The following ANKRD44 variants were observed in gnomAD, a reference collection of about 807,000 sequenced individuals.
The protein encoded by ANKRD44 is serine/threonine-protein phosphatase 6 regulatory ankyrin repeat subunit B.
In ANKRD44, 35 loss-of-function variants were observed where a neutral mutation model predicts 116.0. The ratio of observed to expected loss-of-function variants is 0.30; its 90% CI spans 0.23 to 0.40. The LOEUF is 0.40. Among genes scored for constraint, ANKRD44 ranks in the 10% least tolerant of loss-of-function variants. The probability of loss-of-function intolerance (pLI) is 1.00; values close to 1 mark genes in which losing one functional copy is unlikely to be tolerated. For missense variants in ANKRD44, 1,014 were observed against 1,242.6 expected (o/e 0.82, Z 2.77); for synonymous variants, 435 against 461.8 (o/e 0.94, Z 0.74).
intron 16 of ANKRD44, among the ~76,000 whole-genome samples, chr2:197,061,999 T>G (rs1236739066): frequency 6.6e-6 from 1 of 152,214 alleles, no homozygotes; most frequent in Non-Finnish European, 1.5e-5. Context: ...CAGGCTGGTC[T>G]TGAACACCTG....
chr2:197,269,743 G>A (rs2082844948), intron 1 of ANKRD44, among the ~76,000 whole-genome samples: 1 of 152,092 alleles, frequency 6.6e-6, no homozygotes, highest in African/African-American at 2.4e-5. Context: ...ACTCAAAGTG[G>A]CCCATGGGAG....
Position 197,310,709 on chromosome 2 carries a change from G to C in ANKRD44, c.-105C>G, listed in dbSNP as rs1487665385. The C allele has an allele frequency of 1.3e-5, 16 of 1,203,686 alleles. No individual in the cohort carries two copies. The highest frequency in any genetic ancestry group is 1.7e-5 in the Non-Finnish European group (16 of 936,388). 74.6% of individuals were successfully genotyped at this position (1,203,686 alleles called of 1,614,324 possible). On this transcript the variant is annotated 5_prime_UTR_variant, in exon 1 of 28. Coordinates refer to ENST00000282272, the MANE Select transcript of ANKRD44 (RefSeq NM_001195144.2). ...ATTGCCAGGAGAAGGGAAAAAATCT[G>C]GCTCCCGAATTTGACAGCCCTCCCC...
Position 197,093,201 on chromosome 2 carries a change from G to A in ANKRD44, c.1101-3169C>T, listed in dbSNP as rs539018421. ...CAATATAGTTTATAAAGTTCCATAT[G>A]TATCTTTATGTAAAATAATACAAGC... On this transcript the variant is annotated intron_variant, in intron 10 of 27. Transcript: ENST00000282272. 3.0e-3 allele frequency among the ~76,000 whole-genome samples: 449 copies of A among 151,782 alleles called. 1 individual carries two copies. Among genetic ancestry groups the A allele is most frequent in the Non-Finnish European group, 5.2e-3 (356 of 67,936 alleles).
intron 1 of ANKRD44, among the ~76,000 whole-genome samples, chr2:197,283,846 C>A (rs6715936): frequency 3.9e-5 from 6 of 151,910 alleles, no homozygotes; most frequent in Non-Finnish European, 7.4e-5. Flanking sequence ...AGTAGTCTAG[C>A]GCAATGTCTG....
chr2:197,279,945 A>C (rs1342872014), intron 1 of ANKRD44, among the ~76,000 whole-genome samples: 2 of 152,208 alleles, frequency 1.3e-5, no homozygotes, highest in South Asian at 4.1e-4. Flanking sequence ...GATGCTCTGC[A>C]AAGCTTTGTT....
At chr2:196,996,419 G>A (rs897694017) in intron 25 of ANKRD44, among the ~76,000 whole-genome samples, 3 of 152,162 alleles carry the variant, frequency 2.0e-5, no homozygotes, top group Non-Finnish European at 4.4e-5. Flanking sequence ...TACCATATAG[G>A]TAACACTGAT....
intron 16 of ANKRD44, among the ~76,000 whole-genome samples, chr2:197,063,590 G>A (rs2077365389): frequency 6.6e-6 from 1 of 152,172 alleles, no homozygotes; most frequent in Non-Finnish European, 1.5e-5. Context: ...GGAAAAACCA[G>A]TGTAGAGAAG....
At chr2:196,971,403 C>A (rs1445802205) in intron 21 of ANKRD44, among the ~76,000 whole-genome samples, 3 of 152,162 alleles carry the variant, frequency 2.0e-5, no homozygotes, top group African/African-American at 7.2e-5. Flanking sequence ...CTCACCCAGG[C>A]TGGAGTGCAG....
At chr2:197,097,355 T>C (rs2078184673) in intron 10 of ANKRD44, among the ~76,000 whole-genome samples, 1 of 152,180 alleles carries the variant, frequency 6.6e-6, no homozygotes, top group African/African-American at 2.4e-5. Context: ...AGTTGGTGCC[T>C]AAATATTTAT....
rs190479712 is a variant in ANKRD44, at chr2:196,988,331, G to A, written c.*1260C>T. On this transcript the variant is annotated 3_prime_UTR_variant, in exon 28 of 28. Coordinates refer to ENST00000282272, the MANE Select transcript of ANKRD44 (RefSeq NM_001195144.2). ...ATTTTCAGTGTTTTGGTAAAGATAA[G>A]GTCATTATTGCTCATTAGCAATTTA... 54 of 985,340 alleles carry A rather than the reference G, an allele frequency of 5.5e-5. No homozygotes were observed. The African/African-American group carries it at 8.9e-4, about 16-fold the overall frequency. 61.0% of individuals were successfully genotyped at this position (985,340 alleles called of 1,614,324 possible).
Position 196,988,919 on chromosome 2 carries a change from C to G in ANKRD44, c.*672G>C. The G allele has an allele frequency of 1.0e-6, 1 of 985,426 alleles. No homozygotes were observed. Among genetic ancestry groups the G allele is most frequent in the Non-Finnish European group, 1.2e-6 (1 of 829,948 alleles). The allele number at this position is 985,426 out of a possible 1,614,324, so 61.0% of individuals were successfully genotyped here. A position where few individuals can be genotyped will look rare whatever the true frequency, so the allele number is the denominator to read the frequency against. Reference sequence around the variant, plus strand: ...GTGCTGCCTTTGTGTATATGATCCACTACACATCTGAGTTTTCATCTCGCA... The same window carrying G: ...GTGCTGCCTTTGTGTATATGATCCAGTACACATCTGAGTTTTCATCTCGCA... On this transcript the variant is annotated 3_prime_UTR_variant, in exon 28 of 28. Coordinates refer to ENST00000282272, the MANE Select transcript of ANKRD44 (RefSeq NM_001195144.2).
At chr2:197,063,332 ATAAAAC>A (rs899497444) in intron 16 of ANKRD44, among the ~76,000 whole-genome samples, 218 of 152,348 alleles carry the variant, frequency 1.4e-3, no homozygotes, top group African/African-American at 5.0e-3. Context: ...CTAAAGGTAG[ATAAAAC>A]CACAAAGATG....
At position 197,154,281 on chromosome 2, in the gene ANKRD44, G is replaced by A. The variant is rs1018592859; in HGVS notation, c.112-7176C>T. ...TGCAAGCTCCGCCTCCCGGGTTCAC[G>A]CCATTCTCCTGCCTCAGCCTCCCAA... On this transcript the variant is annotated intron_variant, in intron 2 of 27. Coordinates refer to ENST00000282272, the MANE Select transcript of ANKRD44 (RefSeq NM_001195144.2). Among the ~76,000 whole-genome samples the A allele has an allele frequency of 2.1e-5, 3 of 146,170 alleles. No homozygotes were observed. The East Asian group carries it at 6.3e-4, about 31-fold the overall frequency.
chr2:196,979,446 G>GTAAAGC (rs932995012), intron 21 of ANKRD44, among the ~76,000 whole-genome samples: 10 of 147,186 alleles, frequency 6.8e-5, no homozygotes, highest in African/African-American at 2.5e-4. Flanking sequence ...TTTTAAGGAT[G>GTAAAGC]TAAAGCACTC....
At chr2:197,107,948 A>C (rs2078472016) in intron 9 of ANKRD44, among the ~76,000 whole-genome samples, 2 of 152,392 alleles carry the variant, frequency 1.3e-5, no homozygotes, top group South Asian at 4.1e-4. Flanking sequence ...CACAGTTCTC[A>C]CATGTGTTAT....
At chr2:197,103,862 A>C (rs73988093) in intron 9 of ANKRD44, among the ~76,000 whole-genome samples, 3 of 152,086 alleles carry the variant, frequency 2.0e-5, no homozygotes, top group Non-Finnish European at 2.9e-5. Flanking sequence ...GAATTTTCCC[A>C]TGGTTGAGTT....
chr2:196,993,170 C>T (rs894190332), intron 27 of ANKRD44, among the ~76,000 whole-genome samples: 4 of 152,162 alleles, frequency 2.6e-5, no homozygotes. Context: ...AAAGTTTGAT[C>T]TCAGAATGAA....
chr2:197,026,047 C>A (rs201967268), intron 16 of ANKRD44, among the ~76,000 whole-genome samples: 534 of 130,208 alleles, frequency 4.1e-3, no homozygotes, highest in Non-Finnish European at 5.6e-3. Flanking sequence ...TAAAAAGAAA[C>A]AAAAAAAAAA....
chr2:197,046,663 G>A (rs1249707235), intron 16 of ANKRD44, among the ~76,000 whole-genome samples: 1 of 148,384 alleles, frequency 6.7e-6, no homozygotes, highest in East Asian at 2.0e-4. Flanking sequence ...AAGCTCCATA[G>A]TTATTTGCAC....
Sources: allele counts gnomAD v4.1 joint callset (sites outside exome capture counted in the v4.1 genomes callset), GRCh38; gene constraint gnomAD v4.1.1; transcripts MANE v1.5; gene names NCBI Gene and HGNC (gene_info 2026-07-23, HGNC 2026-07-21).